FEZ1: variants seen among roughly 807,000 people sequenced by gnomAD.
FEZ1 encodes the protein fasciculation and elongation protein zeta 1.
Under a neutral mutation model 49.3 loss-of-function variants are expected in FEZ1, and 20 were observed. The ratio of observed to expected loss-of-function variants is 0.41; its 90% confidence interval spans 0.29 to 0.59. The LOEUF is 0.59. Ranked by LOEUF, FEZ1 falls within the 20% of genes least tolerant of loss-of-function variation. The probability of loss-of-function intolerance (pLI) is 0.36; values close to 1 mark genes in which losing one functional copy is unlikely to be tolerated. For missense variants in FEZ1, 413 were observed against 476.0 expected (o/e 0.87, Z 1.23); for synonymous variants, 170 against 180.9 (o/e 0.94, Z 0.48).
At chr11:125,468,239 A>G (rs1384313544) in intron 3 of FEZ1, among the ~76,000 whole-genome samples, 1 of 151,998 alleles carries the variant, frequency 6.6e-6, no homozygotes, top group Non-Finnish European at 1.5e-5. Context: ...GTCCAATGAC[A>G]TGATCAAAGT....
intron 3 of FEZ1, among the ~76,000 whole-genome samples, chr11:125,471,346 A>T (rs1010627113): frequency 1.3e-5 from 2 of 152,084 alleles, no homozygotes; most frequent in African/African-American, 4.8e-5. Flanking sequence ...GAATATAAAA[A>T]CAAGATCCAA....
rs1347208502 is a variant in FEZ1, at chr11:125,455,921, G to T, written c.853C>A (p.Arg285=). The part of the protein sequence containing the change: ...IEVQNKQKEQ[R]ELMKKRRKEK... ...TTCCGCCTCTTTTTCATCAGTTCTCGCTGCTCCTTCTGCTTGTTCTGAACC... is the reference window on the plus strand; with the variant it reads ...TTCCGCCTCTTTTTCATCAGTTCTCTCTGCTCCTTCTGCTTGTTCTGAACC... Residue 285 remains arginine (R), a synonymous_variant, in exon 6 of 10, where the codon CGA becomes AGA. Coordinates refer to ENST00000278919, the MANE Select transcript of FEZ1 (RefSeq NM_005103.5). 1.9e-6 allele frequency: 3 copies of T among 1,613,028 alleles called. No individual in the cohort carries two copies. Among genetic ancestry groups the T allele is most frequent in the South Asian group, 1.1e-5 (1 of 90,998 alleles).
intron 2 of FEZ1, chr11:125,488,831 T>C: frequency 1.0e-6 from 1 of 985,414 alleles, no homozygotes; most frequent in Non-Finnish European, 1.2e-6. Context: ...AAGAGTACTT[T>C]TCTCAGATCC....
intron 2 of FEZ1, 99 bp from the exon 3 acceptor site, chr11:125,481,732 G>A (rs1396762283): frequency 1.2e-6 from 1 of 844,626 alleles, no homozygotes; most frequent in Non-Finnish European, 2.0e-6. Context: ...GCTTCTGTGT[G>A]TGCCAGGCTG....
intron 3 of FEZ1, among the ~76,000 whole-genome samples, chr11:125,466,676 A>G (rs1234436497): frequency 2.0e-5 from 3 of 152,188 alleles, no homozygotes; most frequent in African/African-American, 7.2e-5. Context: ...CTCTAGGACT[A>G]TAACATGAAA....
intron 5 of FEZ1, 138 bp from the exon 6 acceptor site, chr11:125,456,244 A>G (rs1957010210): frequency 2.5e-6 from 2 of 812,286 alleles, no homozygotes; most frequent in African/African-American, 3.4e-5. Context: ...GATCCAAGAA[A>G]GACCTTCACA....
rs1325870789 is a variant in FEZ1 at position 125,445,847 on chromosome 11, C to T, written c.*248G>A. 1.5e-5 allele frequency: 8 copies of T among 546,684 alleles called. No homozygotes were observed. Among genetic ancestry groups the T allele is most frequent in the Non-Finnish European group, 2.7e-5 (8 of 294,282 alleles). 33.9% of individuals were successfully genotyped at this position (546,684 alleles called of 1,614,324 possible). On this transcript the variant is annotated 3_prime_UTR_variant, in exon 10 of 10. Transcript: ENST00000278919. The surrounding 1 kb of genome is among the most constrained non-coding windows in gnomAD (Gnocchi z 4.4). ...ACTACATAATGAGCGGTGAAAGCGGCTGCCTTCCCCTCTCCTGACACCAGC... is the reference window on the plus strand; with the variant it reads ...ACTACATAATGAGCGGTGAAAGCGGTTGCCTTCCCCTCTCCTGACACCAGC...
chr11:125,483,224 G>C (rs1464035909), intron 2 of FEZ1, among the ~76,000 whole-genome samples: 2 of 152,082 alleles, frequency 1.3e-5, no homozygotes, highest in African/African-American at 4.8e-5. Context: ...GATTTTGTTT[G>C]TATCAGGAAT....
chr11:125,491,390 C>T (rs1305669289), intron 1 of FEZ1, among the ~76,000 whole-genome samples: 1 of 152,140 alleles, frequency 6.6e-6, no homozygotes, highest in Non-Finnish European at 1.5e-5. Flanking sequence ...TTCCCTGGCT[C>T]CAAATATACA....
chr11:125,493,386 GA>G (rs1326605058), intron 1 of FEZ1, among the ~76,000 whole-genome samples: 20 of 50,096 alleles, frequency 4.0e-4, no homozygotes, highest in Non-Finnish European at 6.4e-4. Context: ...AAGAAAGAAA[GA>G]AAGAAAGAAA....
rs1343288147 is a variant in FEZ1 at position 125,443,218 on chromosome 11, A to G, written c.*2877T>C. The stretch of plus-strand genomic sequence containing the variant: ...GCGGAGTGCGGACATCCTAGACAGG[A>G]CTTGAGTTTTGCAATCAGGATTGAC... On this transcript the variant is annotated 3_prime_UTR_variant, in exon 10 of 10. Transcript: ENST00000278919. 6.6e-6 allele frequency among the ~76,000 whole-genome samples: 1 copy of G among 152,170 alleles called. No homozygotes were observed. Among genetic ancestry groups the G allele is most frequent in the Non-Finnish European group, 1.5e-5 (1 of 68,038 alleles).
chr11:125,467,691 T>C (rs774793137), intron 3 of FEZ1, among the ~76,000 whole-genome samples: 5 of 152,054 alleles, frequency 3.3e-5, no homozygotes, highest in Non-Finnish European at 7.4e-5. Context: ...ATGAACAAAA[T>C]TAGCCAGGCA....
chr11:125,446,334 T>C (rs958054958), intron 9 of FEZ1, among the ~76,000 whole-genome samples: 1 of 152,214 alleles, frequency 6.6e-6, no homozygotes, highest in Non-Finnish European at 1.5e-5. Context: ...GATCCAGCCA[T>C]TACTAACTAC....
chr11:125,493,547 A>AAAGAAAGAAAGAAAGAAAGAAAGG (rs1555043780), intron 1 of FEZ1, among the ~76,000 whole-genome samples: 4 of 134,584 alleles, frequency 3.0e-5, no homozygotes, highest in Non-Finnish European at 5.1e-5. Context: ...AGAAAGAAAG[A>AAAGAAAGAAAGAAAGAAAGAAAGG]AAGAAAGGTG....
chr11:125,487,164 G>C (rs973972020), intron 2 of FEZ1, among the ~76,000 whole-genome samples: 1 of 152,112 alleles, frequency 6.6e-6, no homozygotes, highest in Non-Finnish European at 1.5e-5. Context: ...TCTGCTCATT[G>C]GGCCTTCATC....
In FEZ1 at chr11:125,489,911, C is replaced by G; in HGVS notation, c.-45-89G>C. 1 of 1,206,096 alleles carries G rather than the reference C, an allele frequency of 8.3e-7. No homozygotes were observed. Among genetic ancestry groups the G allele is most frequent in the Middle Eastern group, 2.7e-4 (1 of 3,676 alleles). 74.7% of individuals were successfully genotyped at this position (1,206,096 alleles called of 1,614,324 possible). ...TTAGAGACACACCTGCTTCCAATTC[C>G]CTACTCCAAAAAACAAGGCACTGGT... On this transcript the variant is annotated intron_variant, in intron 1 of 9. Transcript: ENST00000278919. The surrounding 1 kb of genome is among the most constrained non-coding windows in gnomAD (Gnocchi z 4.2).
At position 125,445,449 on chromosome 11, in the gene FEZ1, C is replaced by T. The variant is rs891575198; in HGVS notation, c.*646G>A. ...CCACTTTCTATCTGCTAATTGCACA[C>T]TCTCACCCCCGTCTCACCCACTCTG... On this transcript the variant is annotated 3_prime_UTR_variant, in exon 10 of 10. Coordinates refer to ENST00000278919, the MANE Select transcript of FEZ1 (RefSeq NM_005103.5). This position sits in a 1 kb window ranked among gnomAD's most constrained non-coding sequence, Gnocchi z 4.4. 6.6e-6 allele frequency among the ~76,000 whole-genome samples: 1 copy of T among 152,230 alleles called. No individual in the cohort carries two copies. The highest frequency in any genetic ancestry group is 1.5e-5 in the Non-Finnish European group (1 of 68,036).
chr11:125,445,913 C>A lies in FEZ1; in HGVS notation c.*182G>T, dbSNP rs1458706832. The A allele has an allele frequency of 7.3e-6, 5 of 683,944 alleles. No homozygotes were observed. In the African/African-American group the frequency reaches 8.7e-5, roughly 12 times the overall value. The allele number at this position is 683,944 out of a possible 1,614,324, so 42.4% of individuals were successfully genotyped here. A position where few individuals can be genotyped will look rare whatever the true frequency, so the allele number is the denominator to read the frequency against. ...TCACCGGCCCTGCCCCATCATGCAT[C>A]CAATGATTACTAGCACTAGAAGCCA... On this transcript the variant is annotated 3_prime_UTR_variant, in exon 10 of 10. Transcript: ENST00000278919. The surrounding 1 kb of genome is among the most constrained non-coding windows in gnomAD (Gnocchi z 4.4).
intron 6 of FEZ1, among the ~76,000 whole-genome samples, chr11:125,454,988 T>C (rs1171892123): frequency 7.3e-6 from 1 of 137,668 alleles, no homozygotes; most frequent in African/African-American, 2.8e-5. Context: ...CACTCCAGCC[T>C]GGGCAACAGA....
Sources: gnomAD v4.1 joint callset for allele counts (sites outside exome capture counted in the v4.1 genomes callset) on GRCh38, gnomAD v4.1.1 for gene constraint, Gnocchi (gnomAD v3.1) non-coding constraint, MANE v1.5 for transcripts, NCBI Gene and HGNC (gene_info 2026-07-23, HGNC 2026-07-21) for gene names.